The following ANKS1B variants were observed in gnomAD, a reference collection of about 807,000 sequenced individuals.
ANKS1B encodes the protein ankyrin repeat and sterile alpha motif domain-containing protein 1B.
ANKS1B carries 36 observed loss-of-function variants against 148.3 expected under a neutral mutation model. That is an observed-to-expected ratio of 0.24 (90% CI 0.19 to 0.32). The LOEUF (loss-of-function observed/expected upper bound fraction) is 0.32. Among genes scored for constraint, ANKS1B ranks in the 10% least tolerant of loss-of-function variants. ANKS1B has a pLI of 1.00. For synonymous variants in ANKS1B, 542 were observed against 560.8 expected, an observed-to-expected ratio of 0.97 and a Z score of 0.47; for missense variants, 1,157 against 1,542.6, an observed-to-expected ratio of 0.75 and a Z score of 4.19.
At chr12:99,161,617 TA>T (rs1462196743) in intron 14 of ANKS1B, among the ~76,000 whole-genome samples, 3 of 152,092 alleles carry the variant, frequency 2.0e-5, no homozygotes, top group Non-Finnish European at 2.9e-5. Context: ...AGTAGGGAAA[TA>T]AGCTAAATGG....
At chr12:99,711,010 C>T (rs2056561491) in intron 8 of ANKS1B, among the ~76,000 whole-genome samples, 1 of 152,108 alleles carries the variant, frequency 6.6e-6, no homozygotes. Context: ...AGACCCTCTC[C>T]CTCAACTCCT....
intron 12 of ANKS1B, among the ~76,000 whole-genome samples, chr12:99,306,084 A>G (rs1047276012): frequency 6.6e-6 from 1 of 152,064 alleles, no homozygotes; most frequent in Non-Finnish European, 1.5e-5. Context: ...AGATTTTGGG[A>G]GGATATGGTG....
At chr12:99,059,788 C>CATATATATATATATATATATATAAATAT (rs759625732) in intron 16 of ANKS1B, among the ~76,000 whole-genome samples, 1 of 90,322 alleles carries the variant, frequency 1.1e-5, no homozygotes, top group Non-Finnish European at 2.1e-5. Context: ...AACTAAAATT[C>CATATATATATATATATATATATAAATAT]ATATATATAT....
intron 1 of ANKS1B, among the ~76,000 whole-genome samples, chr12:99,845,280 G>A (rs1252580356): frequency 6.6e-6 from 1 of 152,160 alleles, no homozygotes; most frequent in African/African-American, 2.4e-5. Context: ...GGAGTGGTGA[G>A]AGAGAGCATC....
chr12:99,191,803 T>C (rs1472214052), intron 14 of ANKS1B, among the ~76,000 whole-genome samples: 5 of 152,106 alleles, frequency 3.3e-5, no homozygotes, highest in Admixed American at 3.3e-4. Flanking sequence ...GTAACAAACC[T>C]GCATGTTCTC....
At chr12:98,987,288 ATTAAAAATTAAAATTTTAACTTCC>A (rs1264555987) in intron 17 of ANKS1B, among the ~76,000 whole-genome samples, 1 of 151,904 alleles carries the variant, frequency 6.6e-6, no homozygotes, top group East Asian at 1.9e-4. Flanking sequence ...TTTTAACTTC[ATTAAAAATTAAAATTTTAACTTCC>A]TTAAAAATTA....
chr12:99,060,007 C>T (rs61933369), intron 16 of ANKS1B, among the ~76,000 whole-genome samples: 14,629 of 151,944 alleles, frequency 0.096, 884 homozygotes, highest in South Asian at 0.22. Flanking sequence ...TAAGCATGAA[C>T]GGAAGTCAGG....
chr12:99,006,914 T>A (rs1307337392), intron 17 of ANKS1B, among the ~76,000 whole-genome samples: 2 of 152,224 alleles, frequency 1.3e-5, no homozygotes, highest in East Asian at 3.8e-4. Context: ...CACCTTTAAC[T>A]GTTCATCTAT....
At position 98,986,743 on chromosome 12, in the gene ANKS1B, T is replaced by C. The variant is rs147385984; in HGVS notation, c.2778+66414A>G. On this transcript the variant is annotated intron_variant, in intron 17 of 26. Coordinates refer to ENST00000683438, the MANE Select transcript of ANKS1B (RefSeq NM_001352186.2). ...TATCCTTCCACTTCAGCCTCTTGAA[T>C]AGCTGGGACTACAGGTGTGTATCAC... Among the ~76,000 whole-genome samples, 236 of 152,262 alleles carry C rather than the reference T, an allele frequency of 1.5e-3. 6 individuals carry two copies. The South Asian group carries it at 0.044, about 29-fold the overall frequency.
chr12:99,018,562 G>C (rs903192638), intron 17 of ANKS1B, among the ~76,000 whole-genome samples: 14 of 152,160 alleles, frequency 9.2e-5, no homozygotes, highest in Non-Finnish European at 1.6e-4. Context: ...GGAATTACTA[G>C]GTTTGGTCTT....
intron 8 of ANKS1B, among the ~76,000 whole-genome samples, chr12:99,761,651 C>T (rs1447876214): frequency 6.6e-6 from 1 of 152,070 alleles, no homozygotes; most frequent in East Asian, 1.9e-4. Context: ...ACAAGTATGG[C>T]TACTCTCACC....
chr12:99,168,408 A>T (rs897284880), intron 14 of ANKS1B, among the ~76,000 whole-genome samples: 2 of 151,936 alleles, frequency 1.3e-5, no homozygotes, highest in Non-Finnish European at 2.9e-5. Flanking sequence ...AATCCCAGCT[A>T]CTCAGGAGGT....
intron 17 of ANKS1B, among the ~76,000 whole-genome samples, chr12:99,038,659 T>C (rs2099957020): frequency 6.6e-6 from 1 of 152,206 alleles, no homozygotes; most frequent in Admixed American, 6.5e-5. Context: ...CACTGTGACA[T>C]CTTTTCTATC....
chr12:99,029,097 T>G (rs985217329), intron 17 of ANKS1B, among the ~76,000 whole-genome samples: 2 of 152,208 alleles, frequency 1.3e-5, no homozygotes, highest in African/African-American at 4.8e-5. Context: ...TCAAGCCTAC[T>G]TGCAAAGATG....
At chr12:99,691,649 G>A (rs2098679964) in intron 8 of ANKS1B, among the ~76,000 whole-genome samples, 1 of 152,172 alleles carries the variant, frequency 6.6e-6, no homozygotes, top group Non-Finnish European at 1.5e-5. Flanking sequence ...ATCACTATGA[G>A]CATTTTGATC....
chr12:99,174,775 T>A (rs866343226), intron 14 of ANKS1B, among the ~76,000 whole-genome samples: 2 of 152,162 alleles, frequency 1.3e-5, no homozygotes, highest in African/African-American at 4.8e-5. Context: ...CCCCTTTATA[T>A]TTTACAAATA....
At chr12:99,176,839 C>A (rs1031276431) in intron 14 of ANKS1B, among the ~76,000 whole-genome samples, 11 of 152,102 alleles carry the variant, frequency 7.2e-5, no homozygotes, top group Non-Finnish European at 1.3e-4. Context: ...GAGAGCCCCC[C>A]AGAAGCCAAG....
chr12:99,435,408 C>T (rs932386470), intron 11 of ANKS1B, among the ~76,000 whole-genome samples: 1 of 152,044 alleles, frequency 6.6e-6, no homozygotes, highest in African/African-American at 2.4e-5. Flanking sequence ...TTAAAAGGTT[C>T]CCAAATACAT....
chr12:99,970,183 T>C lies in ANKS1B; in HGVS notation c.134+13921A>G, dbSNP rs542042051. Among the ~76,000 whole-genome samples, 8 of 152,282 alleles carry C rather than the reference T, an allele frequency of 5.3e-5. No individual in the cohort carries two copies. The South Asian group carries it at 1.7e-3, about 32-fold the overall frequency. On this transcript the variant is annotated intron_variant, in intron 1 of 26. Coordinates refer to ENST00000683438, the MANE Select transcript of ANKS1B (RefSeq NM_001352186.2). ...TCCAGGCCTTACACTTAGAAATTCT[T>C]AGAATACTCAGAAATCCTGGGGTGG...
Sources: allele counts gnomAD v4.1 joint callset (sites outside exome capture counted in the v4.1 genomes callset), GRCh38; gene constraint gnomAD v4.1.1; transcripts MANE v1.5; gene names NCBI Gene and HGNC (gene_info 2026-07-23, HGNC 2026-07-21).